The following FAM131B variants were observed in gnomAD, a reference collection of about 807,000 sequenced individuals.
FAM131B encodes family with sequence similarity 131 member B.
In FAM131B, 19 loss-of-function variants were observed where a neutral mutation model predicts 42.0. The ratio of observed to expected loss-of-function variants is 0.45; its 90% CI spans 0.32 to 0.66. The LOEUF (loss-of-function observed/expected upper bound fraction) is 0.66. Among genes scored for constraint, FAM131B ranks in the 30% least tolerant of loss-of-function variants. The probability of loss-of-function intolerance (pLI) is 0.05; values close to 1 mark genes in which losing one functional copy is unlikely to be tolerated. For missense variants in FAM131B, 370 were observed against 468.4 expected, an observed-to-expected ratio of 0.79 and a Z score of 1.94; for synonymous variants, 183 against 177.6, an observed-to-expected ratio of 1.03 and a Z score of -0.24.
intron 5 of FAM131B, among the ~76,000 whole-genome samples, chr7:143,357,809 T>G (rs1803741016): frequency 6.6e-6 from 1 of 152,174 alleles, no homozygotes; most frequent in Admixed American, 6.5e-5. Context: ...CAGTGGCTAA[T>G]GTATTGGACA....
the FAM131B span, chr7:143,381,560 C>A: frequency 5.6e-6 from 9 of 1,608,136 alleles, no homozygotes; most frequent in African/African-American, 1.2e-4. Flanking sequence ...ACCCCAGCAG[C>A]CCGGCCCGGC....
the FAM131B span, among the ~76,000 whole-genome samples, chr7:143,375,075 ACTGTCCTG>A: frequency 2.6e-5 from 4 of 152,190 alleles, no homozygotes; most frequent in South Asian, 8.3e-4. Flanking sequence ...CACCTAACAA[ACTGTCCTG>A]CACATAGTAG....
intron 1 of FAM131B, chr7:143,361,987 C>T: frequency 3.3e-6 from 2 of 600,416 alleles, no homozygotes; most frequent in Non-Finnish European, 4.2e-6. Context: ...CCGGGCTCAT[C>T]CCGCCCCCGC....
chr7:143,361,606 G>A (rs1803984584), intron 1 of FAM131B: 1 of 151,288 alleles, frequency 6.6e-6, no homozygotes, highest in Non-Finnish European at 1.5e-5. Flanking sequence ...GGAGAAATTG[G>A]GAGTTGGAAA....
upstream of FAM131B, chr7:143,362,797 TGGCTCCCCCGCCCC>T (rs1397973207): frequency 1.2e-5 from 2 of 168,812 alleles, no homozygotes; most frequent in Non-Finnish European, 2.3e-5. This position sits in a 1 kb window ranked among gnomAD's most constrained non-coding sequence, Gnocchi z 7.7. Context: ...CGCCGCCGCC[TGGCTCCCCCGCCCC>T]GGCTCGGCTC....
At position 143,356,763 on chromosome 7, in the gene FAM131B, C is replaced by T. The variant is rs745791518; in HGVS notation, c.870G>A (p.Gly290=). 2 of 1,614,118 alleles carry T rather than the reference C, an allele frequency of 1.2e-6. No individual in the cohort carries two copies. Among genetic ancestry groups the T allele is most frequent in the East Asian group, 2.2e-5 (1 of 44,882 alleles). ...LLGGDTDWAP[G]VGAVDLARGP... ...CCCTTGCCAGGTCCACTGCGCCTAC[C>T]CCCGGAGCCCAGTCAGTGTCTCCCC... Residue 290 remains glycine (G), a synonymous_variant, in exon 7 of 7, where the codon GGG becomes GGA. Transcript: ENST00000443739. The surrounding 1 kb of genome is among the most constrained non-coding windows in gnomAD (Gnocchi z 4.4).
the FAM131B span, chr7:143,381,092 G>A: frequency 1.7e-6 from 1 of 590,958 alleles, no homozygotes. Context: ...GAGCCGGGCT[G>A]GGGCGGCGGG....
At chr7:143,379,573 G>C in the FAM131B span, 1 of 152,344 alleles carries the variant, frequency 6.6e-6, no homozygotes, top group Non-Finnish European at 1.5e-5. Flanking sequence ...GCCCCTGAGA[G>C]ATCTGCCTGG....
At chr7:143,370,688 C>T in the FAM131B span, among the ~76,000 whole-genome samples, 1 of 152,088 alleles carries the variant, frequency 6.6e-6, no homozygotes, top group African/African-American at 2.4e-5. Context: ...ATAACCTACC[C>T]CTTGTTTAGC....
the FAM131B span, among the ~76,000 whole-genome samples, chr7:143,370,045 A>C: frequency 6.6e-6 from 1 of 152,206 alleles, no homozygotes; most frequent in African/African-American, 2.4e-5. Flanking sequence ...TTAAAGAAGA[A>C]TTTCCTTTCC....
At chr7:143,381,689 C>G in the FAM131B span, 1 of 1,608,466 alleles carries the variant, frequency 6.2e-7, no homozygotes, top group Non-Finnish European at 8.5e-7. Context: ...GAATCCCTTC[C>G]GGCCCGGGGA....
chr7:143,366,917 C>A (rs1804193460), upstream of FAM131B, among the ~76,000 whole-genome samples: 1 of 152,020 alleles, frequency 6.6e-6, no homozygotes, highest in Non-Finnish European at 1.5e-5. Context: ...ACAGGAGGAC[C>A]AAGAGTGGGG....
the FAM131B span, among the ~76,000 whole-genome samples, chr7:143,374,132 T>A: frequency 6.6e-6 from 1 of 152,200 alleles, no homozygotes. Flanking sequence ...TGGAGGTAGA[T>A]GACTTATAAA....
upstream of FAM131B, among the ~76,000 whole-genome samples, chr7:143,365,662 A>G (rs904865487): frequency 2.0e-5 from 3 of 152,104 alleles, no homozygotes; most frequent in East Asian, 5.8e-4. Flanking sequence ...GAGCAATGGC[A>G]TGATCAAAGC....
Position 143,356,039 on chromosome 7 carries a change from A to G in FAM131B, c.*511T>C, listed in dbSNP as rs1586530753. The G allele has an allele frequency of 1.2e-5, 2 of 162,382 alleles. No homozygotes were observed. Among genetic ancestry groups the G allele is most frequent in the Middle Eastern group, 6.5e-3 (2 of 310 alleles). 10.1% of individuals were successfully genotyped at this position (162,382 alleles called of 1,614,324 possible). ...CAGGCAGCCTCCCCTGCGCCTGTCC[A>G]GCCATGTCCAACAGCCCCTGAGGTC... On this transcript the variant is annotated 3_prime_UTR_variant, in exon 7 of 7. Coordinates refer to ENST00000443739, the MANE Select transcript of FAM131B (RefSeq NM_001031690.3). This position sits in a 1 kb window ranked among gnomAD's most constrained non-coding sequence, Gnocchi z 4.4.
chr7:143,369,641 C>G, the FAM131B span, among the ~76,000 whole-genome samples: 4 of 140,804 alleles, frequency 2.8e-5, no homozygotes, highest in South Asian at 8.9e-4. Context: ...CACCACTGCA[C>G]TACAGCCTGG....
intron 5 of FAM131B, among the ~76,000 whole-genome samples, chr7:143,357,996 A>G (rs533376403): frequency 3.3e-5 from 5 of 152,316 alleles, no homozygotes; most frequent in Non-Finnish European, 4.4e-5. Context: ...TGCAGTCTAG[A>G]GAGTAGATTT....
intron 1 of FAM131B, chr7:143,360,447 C>T: frequency 8.2e-7 from 1 of 1,224,564 alleles, no homozygotes. Flanking sequence ...CCTGAGGACT[C>T]TTGGAGGGTT....
the FAM131B span, chr7:143,380,947 G>A: frequency 2.9e-6 from 1 of 341,394 alleles, no homozygotes; most frequent in Non-Finnish European, 4.1e-6. The surrounding 1 kb of genome is among the most constrained non-coding windows in gnomAD (Gnocchi z 5.0). Flanking sequence ...TACCTCGGCG[G>A]CACCCGCCCC....
Sources: gnomAD v4.1 joint callset for allele counts (sites outside exome capture counted in the v4.1 genomes callset) on GRCh38, gnomAD v4.1.1 for gene constraint, Gnocchi (gnomAD v3.1) non-coding constraint, MANE v1.5 for transcripts, NCBI Gene and HGNC (gene_info 2026-07-23, HGNC 2026-07-21) for gene names.